VPS13B: variants seen among roughly 807,000 people sequenced by gnomAD.
The protein encoded by VPS13B is vacuolar protein sorting 13 homolog B, also known as intermembrane lipid transfer protein VPS13B.
A neutral mutation model predicts 426.4 loss-of-function variants in VPS13B; 285 were observed. That is an observed-to-expected ratio of 0.67 (90% CI 0.61 to 0.74). The LOEUF (loss-of-function observed/expected upper bound fraction) is 0.74, where lower values mean the gene tolerates loss of function less well. VPS13B is among the 30% of genes least tolerant of loss of function. VPS13B has a pLI of 0.00. For synonymous variants in VPS13B, 1,676 were observed against 1,676.4 expected (o/e 1.00, Z 0.01); for missense variants, 4,537 against 4,782.6 (o/e 0.95, Z 1.51).
chr8:99,319,122 A>AT (rs1163530681), intron 19 of VPS13B, among the ~76,000 whole-genome samples: 2 of 152,140 alleles, frequency 1.3e-5, no homozygotes, highest in African/African-American at 4.8e-5. Flanking sequence ...AGAAGCACAC[A>AT]TTTTTATATT....
At chr8:99,499,801 A>G (rs1821130813) in intron 25 of VPS13B, among the ~76,000 whole-genome samples, 2 of 152,246 alleles carry the variant, frequency 1.3e-5, no homozygotes, top group Non-Finnish European at 2.9e-5. Flanking sequence ...TTAACTCTAT[A>G]ATTTTCTCTA....
chr8:99,637,285 C>T (rs1258552230), intron 33 of VPS13B, among the ~76,000 whole-genome samples: 1 of 151,964 alleles, frequency 6.6e-6, no homozygotes, highest in African/African-American at 2.4e-5. Flanking sequence ...GGTGACAAAC[C>T]AGTGGATTTT....
chr8:99,096,387 C>T lies in VPS13B; in HGVS notation c.367C>T (p.Arg123Trp), dbSNP rs551933357. Residue 123 changes from arginine (R) to tryptophan (W), a missense_variant, in exon 4 of 62, where the codon CGG becomes TGG. Around this residue, in one of 2 missense-constraint regions of VPS13B, gnomAD observed 226 missense variants for 308.3 expected, o/e 0.73. Coordinates refer to ENST00000357162, the MANE Select transcript of VPS13B (RefSeq NM_152564.5). Reference protein sequence around the residue: ...AESTKSSIKPRRMQQAAPTDP... With the variant: ...AESTKSSIKPWRMQQAAPTDP... The stretch of plus-strand genomic sequence containing the variant: ...GAGCACAAAATCATCAATCAAACCG[C>T]GGAGAATGCAGCAGGCTGCTCCTAC... 46 of 1,614,036 alleles carry T rather than the reference C, an allele frequency of 2.9e-5. No individual in the cohort carries two copies. The highest frequency in any genetic ancestry group is 1.3e-4 in the Admixed American group (8 of 59,996).
At chr8:99,269,620 C>T (rs1313042556) in intron 17 of VPS13B, among the ~76,000 whole-genome samples, 1 of 152,152 alleles carries the variant, frequency 6.6e-6, no homozygotes, top group Non-Finnish European at 1.5e-5. Flanking sequence ...GTAAAGAATG[C>T]TGCCTATATC....
At chr8:99,543,138 G>A (rs1823725539) in intron 30 of VPS13B, among the ~76,000 whole-genome samples, 2 of 151,482 alleles carry the variant, frequency 1.3e-5, no homozygotes, top group Admixed American at 6.6e-5. Flanking sequence ...AACAAAACAG[G>A]GCCCTCAGAA....
intron 40 of VPS13B, among the ~76,000 whole-genome samples, chr8:99,767,555 C>G (rs1278709730): frequency 7.0e-6 from 1 of 142,842 alleles, no homozygotes; most frequent in African/African-American, 2.6e-5. Flanking sequence ...ACTTGTGTAG[C>G]TAACCAAAAT....
At chr8:99,811,872 G>A (rs769180371) in intron 44 of VPS13B, among the ~76,000 whole-genome samples, 46 of 152,038 alleles carry the variant, frequency 3.0e-4, no homozygotes, top group Non-Finnish European at 5.9e-4. Context: ...TGCTTACAAC[G>A]TGCCTGCCCT....
chr8:99,164,729 T>C (rs1249769530), intron 15 of VPS13B, among the ~76,000 whole-genome samples: 1 of 152,206 alleles, frequency 6.6e-6, no homozygotes, highest in East Asian at 1.9e-4. Flanking sequence ...TCTCTTCTTC[T>C]CTTTTTAACT....
chr8:99,289,066 AGAAG>A (rs1376968793), intron 19 of VPS13B, among the ~76,000 whole-genome samples: 31 of 45,582 alleles, frequency 6.8e-4, no homozygotes, highest in African/African-American at 2.2e-3. Context: ...AATGAATGAA[AGAAG>A]GAAGGAAGGA....
intron 31 of VPS13B, among the ~76,000 whole-genome samples, chr8:99,574,139 C>T (rs373931193): frequency 1.3e-5 from 2 of 152,208 alleles, no homozygotes; most frequent in South Asian, 2.1e-4. Flanking sequence ...GTGATTTTTG[C>T]ACATTGATTT....
At chr8:99,779,753 G>T (rs1159648645) in intron 42 of VPS13B, among the ~76,000 whole-genome samples, 1 of 152,174 alleles carries the variant, frequency 6.6e-6, no homozygotes, top group Non-Finnish European at 1.5e-5. Context: ...TATGTTCAAT[G>T]ATTTAAGAAC....
intron 42 of VPS13B, among the ~76,000 whole-genome samples, chr8:99,781,872 G>A (rs1162523262): frequency 1.1e-4 from 17 of 152,046 alleles, no homozygotes; most frequent in Admixed American, 9.2e-4. Flanking sequence ...CTTTCTTCAT[G>A]TCTGTACTCG....
Position 99,398,994 on chromosome 8 carries a change from T to C in VPS13B, c.3082+7290T>C, listed in dbSNP as rs574690066. ...TAGCGGGCCCTAAAATTTTATTTTT[T>C]CTTTACAAATGTCATTTGAAAATAT... is the stretch of plus-strand genomic sequence containing the variant. On this transcript the variant is annotated intron_variant, in intron 21 of 61. Coordinates refer to ENST00000357162, the MANE Select transcript of VPS13B (RefSeq NM_152564.5). 5.3e-5 allele frequency among the ~76,000 whole-genome samples: 8 copies of C among 152,268 alleles called. No individual in the cohort carries two copies. In the Middle Eastern group the frequency reaches 0.017, roughly 326 times the overall value.
At chr8:99,105,694 G>A (rs1329351087) in intron 5 of VPS13B, among the ~76,000 whole-genome samples, 6 of 152,234 alleles carry the variant, frequency 3.9e-5, no homozygotes, top group African/African-American at 1.4e-4. Flanking sequence ...TTTAATTTTA[G>A]TATAGAAGCA....
intron 30 of VPS13B, among the ~76,000 whole-genome samples, chr8:99,542,983 A>G (rs1178376823): frequency 6.6e-6 from 1 of 152,202 alleles, no homozygotes; most frequent in Admixed American, 6.5e-5. Context: ...TTTGGAACCA[A>G]AAAAGAGCCC....
chr8:99,018,493 A>G (rs1439806715), intron 2 of VPS13B, among the ~76,000 whole-genome samples: 1 of 152,236 alleles, frequency 6.6e-6, no homozygotes, highest in Non-Finnish European at 1.5e-5. Context: ...CTTGTCTAAC[A>G]GTTTTTGGTA....
Position 99,821,494 on chromosome 8 carries a change from G to A in VPS13B, c.9183+12G>A. 6.2e-7 allele frequency: 1 copy of A among 1,613,502 alleles called. No individual in the cohort carries two copies. On this transcript the variant is annotated intron_variant, in intron 50 of 61. Transcript: ENST00000357162. ...CAGGACATCAGAAGGTAAGATCAAA[G>A]TCTATGTGGCTGGGAGGAAATAGCA...
At chr8:99,249,854 A>G (rs773779677) in intron 17 of VPS13B, among the ~76,000 whole-genome samples, 8 of 151,860 alleles carry the variant, frequency 5.3e-5, no homozygotes, top group African/African-American at 2.4e-5. Context: ...GGCTGCAGTG[A>G]GCTATTACCT....
intron 30 of VPS13B, among the ~76,000 whole-genome samples, chr8:99,537,031 T>G (rs1279309427): frequency 6.6e-6 from 1 of 152,234 alleles, no homozygotes; most frequent in Non-Finnish European, 1.5e-5. Context: ...TGTAAATATA[T>G]TTATACTGTA....
Sources: gnomAD v4.1 joint callset for allele counts (sites outside exome capture counted in the v4.1 genomes callset) on GRCh38, gnomAD v4.1.1 for gene constraint, gnomAD v4.1.1 regional missense constraint, MANE v1.5 for transcripts, NCBI Gene and HGNC (gene_info 2026-07-23, HGNC 2026-07-21) for gene names.